DPP6: variants seen among roughly 807,000 people sequenced by gnomAD.
The protein encoded by DPP6 is A-type potassium channel modulatory protein DPP6.
In DPP6, 69 loss-of-function variants were observed where a neutral mutation model predicts 122.6. That is an observed-to-expected ratio of 0.56 (90% confidence interval 0.46 to 0.69). DPP6 has a LOEUF of 0.69. Among genes scored for constraint, DPP6 ranks in the 30% least tolerant of loss-of-function variants. The pLI is 0.00. For synonymous variants in DPP6, 418 were observed against 433.1 expected (o/e 0.97, Z 0.43); for missense variants, 928 against 1,116.9 (o/e 0.83, Z 2.41).
intron 16 of DPP6, among the ~76,000 whole-genome samples, chr7:154,809,253 T>TA (rs34482920): frequency 0.03 from 4,358 of 146,432 alleles, 100 homozygotes; most frequent in Middle Eastern, 0.068. Flanking sequence ...TTTCTTTTTT[T>TA]AAAAAAAAAA....
chr7:154,570,309 C>T (rs1831029973), intron 5 of DPP6, among the ~76,000 whole-genome samples: 1 of 151,970 alleles, frequency 6.6e-6, no homozygotes, highest in Admixed American at 6.5e-5. Flanking sequence ...CTCTTCTTCT[C>T]ATTTATTCAG....
intron 3 of DPP6, among the ~76,000 whole-genome samples, chr7:154,505,796 G>A (rs1243571273): frequency 6.6e-6 from 1 of 152,074 alleles, no homozygotes; most frequent in Non-Finnish European, 1.5e-5. Context: ...AGTCGTACTT[G>A]TCATTTTCTC....
intron 6 of DPP6, among the ~76,000 whole-genome samples, chr7:154,646,612 T>C (rs1836501204): frequency 6.6e-6 from 1 of 152,236 alleles, no homozygotes; most frequent in Admixed American, 6.5e-5. Flanking sequence ...TTGTTGTAGA[T>C]AGAATTTTTC....
chr7:154,063,278 G>GGA (rs1802319958), intron 1 of DPP6, among the ~76,000 whole-genome samples: 3 of 126,204 alleles, frequency 2.4e-5, no homozygotes, highest in Non-Finnish European at 5.1e-5. Context: ...CCCCATCGCA[G>GGA]AGGGGGGAGG....
At chr7:154,751,158 G>T (rs868107409) in intron 8 of DPP6, among the ~76,000 whole-genome samples, 48 of 152,280 alleles carry the variant, frequency 3.2e-4, no homozygotes, top group African/African-American at 1.1e-3. Context: ...TTGGAGATGG[G>T]GAGCTTCTTA....
chr7:154,353,749 C>G (rs1424808294), intron 1 of DPP6, among the ~76,000 whole-genome samples: 1 of 152,078 alleles, frequency 6.6e-6, no homozygotes, highest in Non-Finnish European at 1.5e-5. Context: ...GATTTAGGGC[C>G]AGGAAGCCTG....
intron 3 of DPP6, among the ~76,000 whole-genome samples, chr7:154,488,461 A>G (rs2151382746): frequency 6.6e-6 from 1 of 152,144 alleles, no homozygotes; most frequent in East Asian, 1.9e-4. Context: ...TCAAAAAAAA[A>G]AAGAAAGCAG....
At chr7:153,964,999 TCTTCCTTC>T (rs1209264469) in intron 1 of DPP6, among the ~76,000 whole-genome samples, 1,145 of 62,452 alleles carry the variant, frequency 0.018, 24 homozygotes, top group East Asian at 0.061. Context: ...TTCCTTCCTT[TCTTCCTTC>T]CTTCCTTCCT....
At chr7:154,882,494 C>A (rs1204688642) in intron 21 of DPP6, among the ~76,000 whole-genome samples, 3 of 152,176 alleles carry the variant, frequency 2.0e-5, no homozygotes, top group African/African-American at 7.2e-5. Flanking sequence ...TGGCATGTTG[C>A]GGCCTGTCCA....
intron 17 of DPP6, among the ~76,000 whole-genome samples, chr7:154,862,533 C>T (rs1481270755): frequency 6.6e-6 from 1 of 152,258 alleles, no homozygotes; most frequent in Non-Finnish European, 1.5e-5. Flanking sequence ...CATGGAGCTG[C>T]ACGCCCTGCA....
At chr7:154,638,703 G>A (rs928679214) in intron 6 of DPP6, among the ~76,000 whole-genome samples, 1 of 152,204 alleles carries the variant, frequency 6.6e-6, no homozygotes, top group Non-Finnish European at 1.5e-5. Flanking sequence ...TTAGGGTTTG[G>A]TGAAACCACA....
At chr7:153,795,396 A>G in the DPP6 span, among the ~76,000 whole-genome samples, 1 of 152,334 alleles carries the variant, frequency 6.6e-6, no homozygotes, top group East Asian at 1.9e-4. Flanking sequence ...GCCTGGCAAC[A>G]GAGTGAGACT....
chr7:154,875,583 G>A lies in DPP6; in HGVS notation c.1884-323G>A, dbSNP rs763901263. Among the ~76,000 whole-genome samples, 4 of 151,642 alleles carry A rather than the reference G, an allele frequency of 2.6e-5. No individual in the cohort carries two copies. Among genetic ancestry groups the A allele is most frequent in the Admixed American group, 6.6e-5 (1 of 15,246 alleles). On this transcript the variant is annotated intron_variant, in intron 19 of 25. Transcript: ENST00000377770. The surrounding 1 kb of genome is among the most constrained non-coding windows in gnomAD (Gnocchi z 4.5). ...TTCTTGCCGTGTAGGGAAGGTCCCC[G>A]CAGGGAGAAGGTGGGAGGATTTGTA...
chr7:154,255,644 C>G (rs879656117), intron 1 of DPP6, among the ~76,000 whole-genome samples: 7 of 152,154 alleles, frequency 4.6e-5, no homozygotes, highest in Non-Finnish European at 7.4e-5. Context: ...CTTTTTCTTT[C>G]CTTTTGTCTT....
chr7:154,814,713 G>C (rs1799304068), intron 16 of DPP6, among the ~76,000 whole-genome samples: 1 of 152,190 alleles, frequency 6.6e-6, no homozygotes, highest in Admixed American at 6.5e-5. Context: ...TAGCCAGTGT[G>C]GTTTCTCTTG....
chr7:154,151,512 G>A (rs555336220), intron 1 of DPP6, among the ~76,000 whole-genome samples: 3 of 152,176 alleles, frequency 2.0e-5, no homozygotes, highest in Non-Finnish European at 2.9e-5. Context: ...TGTGTTCGAC[G>A]GGAAGCAGAC....
chr7:154,859,904 G>C (rs973572785), intron 17 of DPP6, among the ~76,000 whole-genome samples: 2 of 152,222 alleles, frequency 1.3e-5, no homozygotes, highest in Admixed American at 1.3e-4. Context: ...GCCATGCAGA[G>C]AAAGCGTGCG....
At chr7:154,783,699 C>T (rs751246313) in intron 10 of DPP6, among the ~76,000 whole-genome samples, 6 of 152,174 alleles carry the variant, frequency 3.9e-5, no homozygotes, top group African/African-American at 9.7e-5. Flanking sequence ...CAGTCTTACT[C>T]GGGGCATGGG....
chr7:154,850,753 C>T (rs761266760), intron 16 of DPP6, among the ~76,000 whole-genome samples: 22 of 152,166 alleles, frequency 1.4e-4, no homozygotes, highest in African/African-American at 5.1e-4. Context: ...TCATAGTAGT[C>T]GCTTAAGATC....
Sources: gnomAD v4.1 joint callset for allele counts (sites outside exome capture counted in the v4.1 genomes callset) on GRCh38, gnomAD v4.1.1 for gene constraint, Gnocchi (gnomAD v3.1) non-coding constraint, MANE v1.5 for transcripts, NCBI Gene and HGNC (gene_info 2026-07-23, HGNC 2026-07-21) for gene names.